The following OTOG variants were observed in gnomAD, a reference collection of about 807,000 sequenced individuals.
OTOG encodes the protein otogelin.
In OTOG, 296 loss-of-function variants were observed where a neutral mutation model predicts 313.8. The ratio of observed to expected loss-of-function variants is 0.94; its 90% CI spans 0.86 to 1.04. The LOEUF (loss-of-function observed/expected upper bound fraction) is 1.04. Among genes scored for constraint, OTOG ranks in the 50% least tolerant of loss-of-function variants. The probability of loss-of-function intolerance (pLI) is 0.00; values close to 1 mark genes in which losing one functional copy is unlikely to be tolerated. For missense variants in OTOG, 3,948 were observed against 3,840.1 expected (o/e 1.03, Z -0.74); for synonymous variants, 1,533 against 1,554.9 (o/e 0.99, Z 0.33).
intron 8 of OTOG, 71 bp from the exon 9 acceptor site, chr11:17,558,114 C>T: frequency 1.3e-6 from 2 of 1,522,416 alleles, no homozygotes; most frequent in Non-Finnish European, 1.8e-6. Flanking sequence ...CGCTTTCCCT[C>T]AGAGCCTTCT....
At chr11:17,645,315 C>G (rs1002651885) in intron 54 of OTOG, among the ~76,000 whole-genome samples, 2 of 152,210 alleles carry the variant, frequency 1.3e-5, no homozygotes, top group African/African-American at 4.8e-5. Flanking sequence ...ACAGAGTCCT[C>G]AAGGGGGCCC....
rs746161543 is a variant in OTOG, at chr11:17,570,216, C to T, written c.1781C>T (p.Ala594Val). 36 of 1,550,320 alleles carry T rather than the reference C, an allele frequency of 2.3e-5. No homozygotes were observed. In the African/African-American group the frequency reaches 4.8e-4, roughly 21 times the overall value. Reference protein sequence around the residue: ...YKIIPPYTDDAFEIRRLSSVF... With the variant: ...YKIIPPYTDDVFEIRRLSSVF... The stretch of plus-strand genomic sequence containing the variant: ...TCCTTTTGGATTCTGTGCCCAGATG[C>T]CTTTGAGATCCGTAGGCTGTCCTCC... The change falls in exon 17 of 56, where the codon GCC becomes GTC. Residue 594 changes from alanine (A) to valine (V), a missense_variant. Physicochemically the swap from Ala to Val is moderately conservative, Grantham distance 64 (BLOSUM62 0). Coordinates refer to ENST00000399397, the MANE Select transcript of OTOG (RefSeq NM_001292063.2).
chr11:17,563,317 C>T (rs917769823), intron 15 of OTOG, among the ~76,000 whole-genome samples: 1 of 152,238 alleles, frequency 6.6e-6, no homozygotes, highest in Non-Finnish European at 1.5e-5. Context: ...GCCCCACAGT[C>T]CTGCCTCCCT....
intron 23 of OTOG, among the ~76,000 whole-genome samples, chr11:17,581,662 A>G (rs1852669888): frequency 6.6e-6 from 1 of 152,190 alleles, no homozygotes; most frequent in African/African-American, 2.4e-5. Context: ...GATCCTAAGT[A>G]TACCGTGTGT....
Position 17,593,688 on chromosome 11 carries a change from C to A in OTOG, c.3220C>A (p.Gln1074Lys). Residue 1074 changes from glutamine to lysine, a missense_variant, in exon 27 of 56, where the codon CAG (glutamine) becomes AAG (lysine). Physicochemically the swap from Gln to Lys is moderately conservative, Grantham distance 53. Coordinates refer to ENST00000399397, the MANE Select transcript of OTOG (RefSeq NM_001292063.2). The part of the protein sequence containing the change: ...VGFFTLVHFP[Q>K]EHITLLWDQR... ...ATTTTTCACACTGGTGCATTTCCCA[C>A]AGGAGCACATCACCCTCTTGTGGGA... 6 of 1,549,074 alleles carry A rather than the reference C, an allele frequency of 3.9e-6. No homozygotes were observed. The highest frequency in any genetic ancestry group is 5.2e-6 in the Non-Finnish European group (6 of 1,146,982).
intron 23 of OTOG, among the ~76,000 whole-genome samples, chr11:17,585,125 G>T (rs936218699): frequency 1.3e-5 from 2 of 152,148 alleles, no homozygotes; most frequent in African/African-American, 2.4e-5. Context: ...TCTTCCTTAA[G>T]TGCCTGGTAG....
intron 1 of OTOG, 102 bp from the exon 2 acceptor site, chr11:17,547,825 G>T: frequency 2.2e-6 from 1 of 446,050 alleles, no homozygotes; most frequent in Admixed American, 3.8e-5. Context: ...ATGGGGGAAT[G>T]CTCAGTGGCG....
rs769143670 is a variant in OTOG, at chr11:17,555,207, A to AGATGTG, written c.541-572_541-571insGATGTG. ...TTCTGTCTGAATGGCGGGGGCAGAG[A>AGATGTG]TGTGTGTGTGTGTGTGTGTGTGTGT... On this transcript the variant is annotated intron_variant, in intron 6 of 55. Transcript: ENST00000399397. 2.7e-3 allele frequency among the ~76,000 whole-genome samples: 376 copies of AGATGTG among 141,244 alleles called. 1 individual carries two copies. The highest frequency in any genetic ancestry group is 6.2e-3 in the South Asian group (27 of 4,340). 92.7% of individuals were successfully genotyped at this position (141,244 alleles called of 152,430 possible). A position where few individuals can be genotyped will look rare whatever the true frequency, so the allele number is the denominator to read the frequency against.
intron 40 of OTOG, among the ~76,000 whole-genome samples, chr11:17,630,537 A>G (rs1384145150): frequency 6.6e-6 from 1 of 152,220 alleles, no homozygotes; most frequent in Non-Finnish European, 1.5e-5. Context: ...GATCATTTAT[A>G]TCTCCATTTT....
chr11:17,609,889 T>C lies in OTOG; in HGVS notation c.4589T>C (p.Leu1530Pro). ...TCTCCAGGCCCCACCCAGACCACCC[T>C]GCAGCAGCCACTGGAGCTCACTGCA... is the stretch of plus-strand genomic sequence containing the variant. ...VVSPGPTQTT[L>P]QQPLELTASQ... is the part of the protein sequence containing the mutation. The change falls in exon 36 of 56, where the codon CTG (leucine) becomes CCG (proline). Residue 1530 changes from leucine (L) to proline (P), a missense_variant. Transcript: ENST00000399397. 1 of 1,513,476 alleles carries C rather than the reference T, an allele frequency of 6.6e-7. No individual in the cohort carries two copies. Among genetic ancestry groups the C allele is most frequent in the South Asian group, 1.3e-5 (1 of 77,782 alleles). 93.8% of individuals were successfully genotyped at this position (1,513,476 alleles called of 1,614,324 possible).
intron 7 of OTOG, among the ~76,000 whole-genome samples, chr11:17,556,147 G>C (rs1381508550): frequency 1.3e-5 from 2 of 152,156 alleles, no homozygotes; most frequent in Admixed American, 6.5e-5. Flanking sequence ...CAGGAAAATA[G>C]AGTTTTCCAG....
chr11:17,622,481 T>A (rs979040816), intron 39 of OTOG, among the ~76,000 whole-genome samples: 11 of 152,218 alleles, frequency 7.2e-5, no homozygotes, highest in African/African-American at 2.7e-4. Flanking sequence ...TCATTCTTTT[T>A]AATTTTTCTT....
At chr11:17,609,293 C>T in intron 35 of OTOG, 84 bp downstream of exon 35, 2 of 1,266,302 alleles carry the variant, frequency 1.6e-6, no homozygotes, top group Non-Finnish European at 2.2e-6. Flanking sequence ...CTCAAAGCTC[C>T]CAGGTCCCAG....
At chr11:17,567,810 A>G (rs1852319044) in intron 15 of OTOG, among the ~76,000 whole-genome samples, 1 of 152,182 alleles carries the variant, frequency 6.6e-6, no homozygotes, top group African/African-American at 2.4e-5. Flanking sequence ...ACTAGCTTCC[A>G]TGCATCCTTC....
At chr11:17,578,782 C>T (rs1022325191) in intron 23 of OTOG, among the ~76,000 whole-genome samples, 3 of 151,526 alleles carry the variant, frequency 2.0e-5, no homozygotes, top group African/African-American at 7.3e-5. Context: ...AGGCCTACCA[C>T]CTTAACAGGC....
At chr11:17,631,949 G>A (rs1565126441) in intron 41 of OTOG, 27 bp downstream of exon 41, 1 of 1,547,454 alleles carries the variant, frequency 6.5e-7, no homozygotes, top group African/African-American at 1.4e-5. Flanking sequence ...TCCAGCACTG[G>A]GGACACCTCC....
intron 34 of OTOG, 136 bp downstream of exon 34, chr11:17,608,549 C>T (rs1565115464): frequency 1.0e-5 from 6 of 601,024 alleles, no homozygotes; most frequent in South Asian, 4.8e-5. Flanking sequence ...TGTGTCTTTC[C>T]GTATATGCAC....
rs1853123517 is a variant in OTOG, at chr11:17,596,913, T to C, written c.3588T>C (p.Gly1196=). 6.4e-7 allele frequency: 1 copy of C among 1,550,884 alleles called. No homozygotes were observed. Among genetic ancestry groups the C allele is most frequent in the Non-Finnish European group, 8.7e-7 (1 of 1,147,054 alleles). ...LTDTCGCSQG[G]DCECFCASVS... ...ACACATGTGGCTGCAGCCAGGGTGG[T>C]GACTGTGAGTGCTTCTGTGCCAGCG... The change falls in exon 30 of 56, where the codon GGT becomes GGC. Residue 1196 remains glycine, a synonymous_variant. Transcript: ENST00000399397.
At chr11:17,641,753 C>A (rs1280406489) in intron 51 of OTOG, 94 bp from the exon 52 acceptor site, 5 of 905,040 alleles carry the variant, frequency 5.5e-6, no homozygotes, top group Non-Finnish European at 8.3e-6. Context: ...GAGGGTCCTT[C>A]CAGGCTCTGG....
Sources: gnomAD v4.1 joint callset for allele counts (sites outside exome capture counted in the v4.1 genomes callset) on GRCh38, gnomAD v4.1.1 for gene constraint, MANE v1.5 for transcripts, NCBI Gene and HGNC (gene_info 2026-07-23, HGNC 2026-07-21) for gene names.